Variants in GIT1 observed in about 807,000 individuals in gnomAD.
GIT1 encodes the protein ARF GTPase-activating protein GIT1.
Under a neutral mutation model 91.7 loss-of-function variants are expected in GIT1, and 14 were observed. The ratio of observed to expected loss-of-function variants is 0.15; its 90% CI spans 0.10 to 0.24. GIT1 has a LOEUF of 0.24. Among genes scored for constraint, GIT1 ranks in the 10% least tolerant of loss-of-function variants. The pLI is 1.00. For synonymous variants in GIT1, 414 were observed against 418.2 expected, an observed-to-expected ratio of 0.99 and a Z score of 0.12; for missense variants, 717 against 1,024.9, an observed-to-expected ratio of 0.70 and a Z score of 4.10.
In GIT1 at chr17:29,574,368, G is replaced by T; in HGVS notation, c.*334C>A. ...CATGTACGGAGAGCTGCCCCACTTG[G>T]AGTGTCCCCACCTGCCCCTTTGCTG... On this transcript the variant is annotated 3_prime_UTR_variant, in exon 20 of 20. Transcript: ENST00000225394. 1 of 349,150 alleles carries T rather than the reference G, an allele frequency of 2.9e-6. No homozygotes were observed. The highest frequency in any genetic ancestry group is 3.1e-5 in the South Asian group (1 of 32,324). The allele number at this position is 349,150 out of a possible 1,614,324, so 21.6% of individuals were successfully genotyped here.
chr17:29,579,347 C>G (rs1029564059), intron 7 of GIT1: 1 of 321,168 alleles, frequency 3.1e-6, no homozygotes, highest in Non-Finnish European at 5.8e-6. Flanking sequence ...CTGTTCCACC[C>G]AGCAGCCAGG....
At chr17:29,584,959 CTTT>C (rs11419578) in intron 1 of GIT1, among the ~76,000 whole-genome samples, 2 of 102,406 alleles carry the variant, frequency 2.0e-5, no homozygotes, top group African/African-American at 7.6e-5. Flanking sequence ...TGGGTTTAGG[CTTT>C]TTTTTTTTTT....
chr17:29,578,817 G>A, intron 7 of GIT1, 38 bp from the exon 8 acceptor site: 1 of 1,603,276 alleles, frequency 6.2e-7, no homozygotes, highest in East Asian at 2.2e-5. Context: ...GAGGAGAGGA[G>A]AGACCTGAGA....
intron 1 of GIT1, among the ~76,000 whole-genome samples, chr17:29,585,095 C>G (rs773254552): frequency 1.3e-4 from 19 of 151,302 alleles, no homozygotes; most frequent in Non-Finnish European, 2.2e-4. Flanking sequence ...CCAACACCTT[C>G]CTGGGGGGCT....
rs1362423292 is a variant in GIT1, at chr17:29,581,298, T to C, written c.761+40A>G. On this transcript the variant is annotated intron_variant, in intron 7 of 19. Coordinates refer to ENST00000225394, the MANE Select transcript of GIT1 (RefSeq NM_014030.4). The surrounding 1 kb of genome is among the most constrained non-coding windows in gnomAD (Gnocchi z 4.8). ...CTGGGGGTCAGCCACCCACATGGCA[T>C]CCAACAGCCTCTGGAAAGGGGCATC... The C allele has an allele frequency of 6.5e-7, 1 of 1,540,740 alleles. No homozygotes were observed. The highest frequency in any genetic ancestry group is 9.0e-7 in the Non-Finnish European group (1 of 1,113,934).
Position 29,575,555 on chromosome 17 carries a change from C to T in GIT1, c.1826+75G>A, listed in dbSNP as rs1267305139. On this transcript the variant is annotated intron_variant, in intron 17 of 19. Transcript: ENST00000225394. This position sits in a 1 kb window ranked among gnomAD's most constrained non-coding sequence, Gnocchi z 5.5. ...CCTCGGAGCCGCCCGCCTTGGTCCT[C>T]ACACACTGGGGGCCCTCTCAACCTC... 1 of 1,564,550 alleles carries T rather than the reference C, an allele frequency of 6.4e-7. No individual in the cohort carries two copies. Among genetic ancestry groups the T allele is most frequent in the Non-Finnish European group, 8.7e-7 (1 of 1,144,500 alleles).
chr17:29,578,295 T>C lies in GIT1; in HGVS notation c.883+4A>G. The C allele has an allele frequency of 6.2e-7, 1 of 1,612,154 alleles. No individual in the cohort carries two copies. Among genetic ancestry groups the C allele is most frequent in the Non-Finnish European group, 8.5e-7 (1 of 1,178,190 alleles). On this transcript the variant is annotated splice_donor_region_variant and intron_variant, in intron 9 of 19. Coordinates refer to ENST00000225394, the MANE Select transcript of GIT1 (RefSeq NM_014030.4). ...ACGCCAGACACTCCTGCTCCCTGAC[T>C]CACCTGCATCATTTTCTCTTCGATC...
At chr17:29,578,845 C>A in intron 7 of GIT1, 66 bp from the exon 8 acceptor site, 1 of 1,565,836 alleles carries the variant, frequency 6.4e-7, no homozygotes, top group Non-Finnish European at 8.8e-7. Flanking sequence ...AGGCCCATGC[C>A]AGCAACCTCC....
chr17:29,577,094 A>G, intron 11 of GIT1, 42 bp downstream of exon 11: 10 of 1,606,682 alleles, frequency 6.2e-6, no homozygotes, highest in Non-Finnish European at 8.5e-6. Flanking sequence ...AGACCCCTGG[A>G]GCCCCGCCTG....
Position 29,578,318 on chromosome 17 carries a change from A to G in GIT1, c.864T>C (p.Asp288=). ...ACTCACCTGCATCATTTTCTCTTCG[A>G]TCCACCTCGTCATACACGTCCATGG... ...ELAMDVYDEV[D]RRENDAVWLA... Residue 288 remains aspartate, a synonymous_variant, in exon 9 of 20, where the codon GAT becomes GAC. Coordinates refer to ENST00000225394, the MANE Select transcript of GIT1 (RefSeq NM_014030.4). The G allele has an allele frequency of 1.2e-6, 2 of 1,614,020 alleles. No individual in the cohort carries two copies. Among genetic ancestry groups the G allele is most frequent in the Non-Finnish European group, 1.7e-6 (2 of 1,179,932 alleles).
chr17:29,582,654 A>G lies in GIT1; in HGVS notation c.405+44T>C, dbSNP rs749863720. On this transcript the variant is annotated intron_variant, in intron 4 of 19. Coordinates refer to ENST00000225394, the MANE Select transcript of GIT1 (RefSeq NM_014030.4). ...AGGCCTTCAGAGAGTCGTGGATGGG[A>G]AGAAGAGGAGGGGGCCACCCATCTG... 9 of 1,301,774 alleles carry G rather than the reference A, an allele frequency of 6.9e-6. No individual in the cohort carries two copies. The South Asian group carries it at 8.3e-5, about 12-fold the overall frequency. The allele number at this position is 1,301,774 out of a possible 1,614,324, so 80.6% of individuals were successfully genotyped here.
chr17:29,578,972 T>C (rs1048004544), intron 7 of GIT1, 193 bp from the exon 8 acceptor site: 5 of 1,613,906 alleles, frequency 3.1e-6, no homozygotes, highest in South Asian at 1.1e-5. Context: ...CTCTGAGACA[T>C]GCACTTTTGC....
chr17:29,577,391 AGCAGCCAAG>A, intron 10 of GIT1, 144 bp from the exon 11 acceptor site: 1 of 722,876 alleles, frequency 1.4e-6, no homozygotes, highest in Non-Finnish European at 2.4e-6. Flanking sequence ...CTGGCTAGTC[AGCAGCCAAG>A]GCCACCCGTG....
In GIT1 at chr17:29,576,657, G is replaced by A. The variant is rs1274631847; in HGVS notation, c.1245C>T (p.Asp415=). The A allele has an allele frequency of 3.1e-6, 5 of 1,613,996 alleles. No individual in the cohort carries two copies. The highest frequency in any genetic ancestry group is 4.2e-6 in the Non-Finnish European group (5 of 1,180,004). The change falls in exon 13 of 20, where the codon GAC becomes GAT. Residue 415 remains aspartate, a synonymous_variant. Coordinates refer to ENST00000225394, the MANE Select transcript of GIT1 (RefSeq NM_014030.4). ...GCAGCGTCACAGCCCCGTCAGACAA[G>A]TCCGAGGAGTCCATGCTCTGCAGAG... ...SNRARSMDSS[D]LSDGAVTLQE...
At position 29,581,192 on chromosome 17, in the gene GIT1, G is replaced by A. The variant is rs1051698794; in HGVS notation, c.761+146C>T. On this transcript the variant is annotated intron_variant, in intron 7 of 19. Coordinates refer to ENST00000225394, the MANE Select transcript of GIT1 (RefSeq NM_014030.4). The surrounding 1 kb of genome is among the most constrained non-coding windows in gnomAD (Gnocchi z 4.8). ...TTACCTGCCTTGGGGCCCAGCATTA[G>A]GGACTGAGGACTAAGCTGTGCCTCT... 3 of 682,632 alleles carry A rather than the reference G, an allele frequency of 4.4e-6. No homozygotes were observed. The Admixed American group carries it at 6.5e-5, about 15-fold the overall frequency. 42.3% of individuals were successfully genotyped at this position (682,632 alleles called of 1,614,324 possible).
In GIT1 at chr17:29,583,040, G is replaced by A; in HGVS notation, c.187-3C>T. Reference sequence around the variant, plus strand: ...TTGCTGGCAAGCGTGTGCACCATCTGCAGGGAAGAGATGCCAAGTGAGAGA... The same window carrying A: ...TTGCTGGCAAGCGTGTGCACCATCTACAGGGAAGAGATGCCAAGTGAGAGA... On this transcript the variant is annotated splice_polypyrimidine_tract_variant and splice_region_variant and intron_variant, in intron 2 of 19. Coordinates refer to ENST00000225394, the MANE Select transcript of GIT1 (RefSeq NM_014030.4). 6.3e-7 allele frequency: 1 copy of A among 1,583,216 alleles called. No homozygotes were observed.
At position 29,575,802 on chromosome 17, in the gene GIT1, GA is replaced by G; in HGVS notation, c.1752+9del. On this transcript the variant is annotated intron_variant, in intron 16 of 19. Coordinates refer to ENST00000225394, the MANE Select transcript of GIT1 (RefSeq NM_014030.4). The surrounding 1 kb of genome is among the most constrained non-coding windows in gnomAD (Gnocchi z 5.5). ...AGCCACCCTGTGGGCACTGGGCATG[GA>G]AACATTACCGTGTGGCGGCTTCCCT... 6.8e-6 allele frequency: 11 copies of G among 1,613,198 alleles called. No individual in the cohort carries two copies. The highest frequency in any genetic ancestry group is 9.3e-6 in the Non-Finnish European group (11 of 1,179,458).
rs1270838861 is a variant in GIT1, at chr17:29,577,687, G to A, written c.939C>T (p.Pro313=). The A allele has an allele frequency of 2.5e-6, 4 of 1,613,038 alleles. No individual in the cohort carries two copies. Among genetic ancestry groups the A allele is most frequent in the Admixed American group, 3.3e-5 (2 of 59,984 alleles). ...AGTATTCCGGGTTAACAGGCAGGAA[G>A]GGCACGGCACTGCGCTCTGTCACCA... The part of the protein sequence containing the change: ...STLVTERSAV[P]FLPVNPEYSA... The change falls in exon 10 of 20, where the codon CCC becomes CCT. Residue 313 remains proline, a synonymous_variant. Coordinates refer to ENST00000225394, the MANE Select transcript of GIT1 (RefSeq NM_014030.4).
rs183125621 is a variant in GIT1 at position 29,577,640 on chromosome 17, C to G, written c.981+5G>C. On this transcript the variant is annotated splice_donor_5th_base_variant and intron_variant, in intron 10 of 19. Transcript: ENST00000225394. The stretch of plus-strand genomic sequence containing the variant: ...CACCCCAGGCCCCCAATCCAGCCCC[C>G]TCACCTGATTCCGCGTGGCTGAGTA... 797 of 1,586,814 alleles carry G rather than the reference C, an allele frequency of 5.0e-4. 3 individuals carry two copies. The African/African-American group carries it at 9.5e-3, about 19-fold the overall frequency.
Sources: allele counts gnomAD v4.1 joint callset (sites outside exome capture counted in the v4.1 genomes callset), GRCh38; gene constraint gnomAD v4.1.1; non-coding constraint Gnocchi (gnomAD v3.1); transcripts MANE v1.5; gene names NCBI Gene and HGNC (gene_info 2026-07-23, HGNC 2026-07-21).